The following ESRP1 variants were observed in gnomAD, a reference collection of about 807,000 sequenced individuals.
The protein encoded by ESRP1 is epithelial splicing regulatory protein 1, also known as RNA-binding motif protein 35A.
ESRP1 carries 33 observed loss-of-function variants against 81.7 expected under a neutral mutation model. The ratio of observed to expected loss-of-function variants is 0.40; its 90% confidence interval spans 0.31 to 0.54. The LOEUF (loss-of-function observed/expected upper bound fraction) is 0.54. Among genes scored for constraint, ESRP1 ranks in the 20% least tolerant of loss-of-function variants. The pLI is 0.41. For missense variants in ESRP1, 672 were observed against 833.1 expected (o/e 0.81, Z 2.38); for synonymous variants, 320 against 303.3 (o/e 1.06, Z -0.57).
chr8:94,671,227 G>A (rs1176081752), intron 10 of ESRP1, among the ~76,000 whole-genome samples: 1 of 152,140 alleles, frequency 6.6e-6, no homozygotes, highest in African/African-American at 2.4e-5. Flanking sequence ...TGAGTATCAT[G>A]CTTTCCCTGC....
intron 10 of ESRP1, among the ~76,000 whole-genome samples, chr8:94,670,439 G>A (rs1368941889): frequency 2.6e-5 from 4 of 152,100 alleles, no homozygotes; most frequent in Non-Finnish European, 5.9e-5. Flanking sequence ...TGGTGGTGTG[G>A]TTTGATTTTT....
chr8:94,646,701 C>G (rs1817874180), intron 4 of ESRP1, among the ~76,000 whole-genome samples: 1 of 152,078 alleles, frequency 6.6e-6, no homozygotes, highest in African/African-American at 2.4e-5. Context: ...TTACAAACTG[C>G]TGTTCACTGG....
chr8:94,667,505 A>AT (rs1434150676), intron 9 of ESRP1, among the ~76,000 whole-genome samples: 2 of 151,926 alleles, frequency 1.3e-5, no homozygotes, highest in East Asian at 1.9e-4. Flanking sequence ...TCAGGAAAAG[A>AT]TTTTTTTAAC....
chr8:94,702,686 T>C (rs958889732), intron 15 of ESRP1, among the ~76,000 whole-genome samples: 3 of 152,158 alleles, frequency 2.0e-5, no homozygotes, highest in African/African-American at 4.8e-5. Context: ...GGTTTCACCA[T>C]GTTAGCCAGG....
At chr8:94,690,276 ATTT>A (rs373440584) in intron 13 of ESRP1, among the ~76,000 whole-genome samples, 6 of 61,370 alleles carry the variant, frequency 9.8e-5, no homozygotes, top group African/African-American at 2.0e-4. Flanking sequence ...TGCCTGGCTA[ATTT>A]TTTTTTTTTT....
chr8:94,664,667 A>T, intron 6 of ESRP1, 30 bp from the exon 7 acceptor site: 1 of 1,546,340 alleles, frequency 6.5e-7, no homozygotes. Flanking sequence ...AGCATTTATC[A>T]TGCAACCTGA....
chr8:94,702,965 G>A (rs1809898300), intron 15 of ESRP1, among the ~76,000 whole-genome samples: 1 of 152,128 alleles, frequency 6.6e-6, no homozygotes, highest in South Asian at 2.1e-4. Context: ...TAATGACAGT[G>A]TATTACAAAA....
chr8:94,650,332 CTG>C (rs1287957001), intron 4 of ESRP1, among the ~76,000 whole-genome samples: 2 of 152,040 alleles, frequency 1.3e-5, no homozygotes, highest in Non-Finnish European at 2.9e-5. Flanking sequence ...TAAGAATCCT[CTG>C]TACTTTGGCC....
In ESRP1 at chr8:94,674,500, T is replaced by C. The variant is rs1169442823; in HGVS notation, c.1645T>C (p.Leu549=). 1 of 1,612,052 alleles carries C rather than the reference T, an allele frequency of 6.2e-7. No homozygotes were observed. Among genetic ancestry groups the C allele is most frequent in the Non-Finnish European group, 8.5e-7 (1 of 1,179,056 alleles). ...RNGLSPPPCK[L]PCLSPPSYTF... is the part of the protein sequence containing the mutation. Reference sequence around the variant, plus strand: ...TGGCTTATCCCCACCGCCATGTAAGTTACCATGTAAGTTTTTCTTGGGTCT... The same window carrying C: ...TGGCTTATCCCCACCGCCATGTAAGCTACCATGTAAGTTTTTCTTGGGTCT... The change falls in exon 12 of 16, where the codon TTA becomes CTA. Residue 549 remains leucine (L), a synonymous_variant. Coordinates refer to ENST00000433389, the MANE Select transcript of ESRP1 (RefSeq NM_017697.4).
chr8:94,664,435 T>A (rs1443745332), intron 6 of ESRP1, among the ~76,000 whole-genome samples: 2 of 152,136 alleles, frequency 1.3e-5, no homozygotes, highest in Non-Finnish European at 2.9e-5. Context: ...TCCTCAGCTT[T>A]GATAGATAGA....
At position 94,705,987 on chromosome 8, in the gene ESRP1, G is replaced by T; in HGVS notation, c.*98G>T. On this transcript the variant is annotated 3_prime_UTR_variant, in exon 16 of 16. Transcript: ENST00000433389. ...CACAAGAAAACTTCTAGCAAATTCA[G>T]GGGAAGTTTGTCTACACTCAGGCTG... 2 of 1,520,536 alleles carry T rather than the reference G, an allele frequency of 1.3e-6. No individual in the cohort carries two copies. 94.2% of individuals were successfully genotyped at this position (1,520,536 alleles called of 1,614,324 possible). A position where few individuals can be genotyped will look rare whatever the true frequency, so the allele number is the denominator to read the frequency against.
intron 13 of ESRP1, among the ~76,000 whole-genome samples, chr8:94,686,204 C>T (rs1809133593): frequency 6.6e-6 from 1 of 152,216 alleles, no homozygotes; most frequent in African/African-American, 2.4e-5. Context: ...GCTGGGATTA[C>T]AGGCATGAGC....
intron 4 of ESRP1, among the ~76,000 whole-genome samples, chr8:94,655,590 C>T (rs915930412): frequency 6.6e-6 from 1 of 151,772 alleles, no homozygotes; most frequent in African/African-American, 2.4e-5. Context: ...GTAGAACTTA[C>T]ATTTAAAATT....
chr8:94,671,091 T>C (rs1281585943), intron 10 of ESRP1, among the ~76,000 whole-genome samples: 1 of 152,236 alleles, frequency 6.6e-6, no homozygotes, highest in Non-Finnish European at 1.5e-5. Flanking sequence ...TTCAGAATTG[T>C]ATAAAAGTGG....
intron 10 of ESRP1, among the ~76,000 whole-genome samples, chr8:94,671,238 T>C (rs1446833103): frequency 6.6e-6 from 1 of 152,200 alleles, no homozygotes; most frequent in Non-Finnish European, 1.5e-5. Context: ...CTTTCCCTGC[T>C]GGAATGCATG....
intron 15 of ESRP1, among the ~76,000 whole-genome samples, chr8:94,700,712 G>A (rs1364782765): frequency 3.3e-5 from 5 of 151,292 alleles, no homozygotes; most frequent in African/African-American, 1.2e-4. Context: ...GGCGGATCAC[G>A]AGGTCAGGAG....
At chr8:94,657,496 T>TGTGTGTGTGC (rs1213499621) in intron 4 of ESRP1, among the ~76,000 whole-genome samples, 1 of 151,520 alleles carries the variant, frequency 6.6e-6, no homozygotes, top group African/African-American at 2.4e-5. Context: ...TGTGTGTGTG[T>TGTGTGTGTGC]GTGTGTGTAA....
At chr8:94,654,111 G>A (rs1818284197) in intron 4 of ESRP1, among the ~76,000 whole-genome samples, 1 of 152,106 alleles carries the variant, frequency 6.6e-6, no homozygotes. Flanking sequence ...GTGAGGTCAG[G>A]AGTTTGAGAA....
chr8:94,670,745 C>T (rs1819276150), intron 10 of ESRP1, among the ~76,000 whole-genome samples: 1 of 152,216 alleles, frequency 6.6e-6, no homozygotes, highest in South Asian at 2.1e-4. Flanking sequence ...TCATCCATTT[C>T]CAAGATAGCT....
Sources: gnomAD v4.1 joint callset for allele counts (sites outside exome capture counted in the v4.1 genomes callset) on GRCh38, gnomAD v4.1.1 for gene constraint, MANE v1.5 for transcripts, NCBI Gene and HGNC (gene_info 2026-07-23, HGNC 2026-07-21) for gene names.